The following FBXL18 variants were observed in gnomAD, a reference collection of about 807,000 sequenced individuals.
FBXL18 encodes the protein F-box/LRR-repeat protein 18.
In FBXL18, 36 loss-of-function variants were observed where a neutral mutation model predicts 46.0. That is an observed-to-expected ratio of 0.78 (90% CI 0.60 to 1.03). The LOEUF (loss-of-function observed/expected upper bound fraction) is 1.03. FBXL18 is among the 50% of genes least tolerant of loss of function. The pLI is 0.00. For missense variants in FBXL18, 977 were observed against 1,004.1 expected (o/e 0.97, Z 0.36); for synonymous variants, 557 against 465.3 (o/e 1.20, Z -2.54).
Position 5,497,996 on chromosome 7 carries a change from T to C in FBXL18, c.1781+2492A>G, listed in dbSNP as rs566129268. 8.5e-5 allele frequency among the ~76,000 whole-genome samples: 13 copies of C among 152,100 alleles called. No individual in the cohort carries two copies. The East Asian group carries it at 2.5e-3, about 29-fold the overall frequency. ...TCACTCATCTAAGCCCTGCCTCCAC[T>C]TTCTCCCCCACCCAGTCCCTGGTAG... On this transcript the variant is annotated intron_variant, in intron 3 of 4. Coordinates refer to ENST00000382368, the MANE Select transcript of FBXL18 (RefSeq NM_024963.6).
chr7:5,457,876 C>A (rs372576780), intron 4 of FBXL18, among the ~76,000 whole-genome samples: 108 of 152,314 alleles, frequency 7.1e-4, no homozygotes, highest in African/African-American at 2.6e-3. Context: ...CAGCCTGCCT[C>A]GCCGGGGAAA....
intron 4 of FBXL18, chr7:5,490,254 C>G: frequency 7.8e-7 from 1 of 1,285,572 alleles, no homozygotes; most frequent in Non-Finnish European, 1.0e-6. Context: ...GTCCTGCTGC[C>G]CCCTTGGCCG....
intron 4 of FBXL18, among the ~76,000 whole-genome samples, chr7:5,463,889 C>T (rs745461370): frequency 1.3e-3 from 197 of 150,592 alleles, no homozygotes; most frequent in South Asian, 2.1e-3. Flanking sequence ...TACAGGCGTG[C>T]GCCACCACAC....
At position 5,484,322 on chromosome 7, in the gene FBXL18, T is replaced by C. The variant is rs192524006; in HGVS notation, c.2001-2391A>G. ...CTCTACTAAAAATACAAAAAAAAAA[T>C]TAGCCGGGCGTGGTGGTGGGCGCCT... On this transcript the variant is annotated intron_variant, in intron 4 of 4. Coordinates refer to ENST00000382368, the MANE Select transcript of FBXL18 (RefSeq NM_024963.6). 6.5e-3 allele frequency among the ~76,000 whole-genome samples: 980 copies of C among 151,640 alleles called. 7 individuals are homozygous for C. Among genetic ancestry groups the C allele is most frequent in the Middle Eastern group, 0.017 (5 of 292 alleles).
In FBXL18 at chr7:5,496,924, T is replaced by C. The variant is rs1233274505; in HGVS notation, c.1781+3564A>G. On this transcript the variant is annotated intron_variant, in intron 3 of 4. Transcript: ENST00000382368. This position sits in a 1 kb window ranked among gnomAD's most constrained non-coding sequence, Gnocchi z 4.8. ...TGGGCACCTGTAATCCCAGCTACTC[T>C]GGAGGCTGAGACAGGAGAATCGCTT... Among the ~76,000 whole-genome samples, 3 of 149,306 alleles carry C rather than the reference T, an allele frequency of 2.0e-5. No homozygotes were observed. Among genetic ancestry groups the C allele is most frequent in the East Asian group, 3.9e-4 (2 of 5,070 alleles).
intron 1 of FBXL18, among the ~76,000 whole-genome samples, chr7:5,505,888 G>C (rs1345303314): frequency 6.6e-6 from 1 of 152,204 alleles, no homozygotes; most frequent in Non-Finnish European, 1.5e-5. Context: ...TTGTGAGACA[G>C]AAGTTTCACT....
chr7:5,505,684 C>T, intron 1 of FBXL18, 54 bp from the exon 2 acceptor site: 17 of 1,505,828 alleles, frequency 1.1e-5, no homozygotes, highest in East Asian at 2.3e-5. Flanking sequence ...GGCTGTCAGC[C>T]TAGCCTGCAG....
At chr7:5,490,827 C>T (rs1199893671) in intron 4 of FBXL18, among the ~76,000 whole-genome samples, 4 of 152,230 alleles carry the variant, frequency 2.6e-5, no homozygotes, top group South Asian at 2.1e-4. Context: ...ATGCTGGTGG[C>T]GCAGGCCTGT....
intron 3 of FBXL18, chr7:5,495,851 G>T (rs1319027993): frequency 2.1e-6 from 1 of 481,398 alleles, no homozygotes; most frequent in Admixed American, 2.3e-5. Flanking sequence ...ACCGGCATTT[G>T]TTCTGAACAG....
chr7:5,492,537 G>A (rs1287768290), intron 3 of FBXL18, among the ~76,000 whole-genome samples: 1 of 152,026 alleles, frequency 6.6e-6, no homozygotes, highest in East Asian at 1.9e-4. Context: ...ACTGAGCTGC[G>A]ACGCCCCCCC....
Position 5,496,713 on chromosome 7 carries a change from C to T in FBXL18, c.1781+3775G>A, listed in dbSNP as rs1242230044. Among the ~76,000 whole-genome samples the T allele has an allele frequency of 6.6e-6, 1 of 152,008 alleles. No homozygotes were observed. The highest frequency in any genetic ancestry group is 2.4e-5 in the African/African-American group (1 of 41,380). On this transcript the variant is annotated intron_variant, in intron 3 of 4. Coordinates refer to ENST00000382368, the MANE Select transcript of FBXL18 (RefSeq NM_024963.6). The surrounding 1 kb of genome is among the most constrained non-coding windows in gnomAD (Gnocchi z 4.8). ...CCCGGGCAACACAGCAAGACCCCGT[C>T]TCTACAAAAAATACAAAAAACTAGC...
downstream of FBXL18, among the ~76,000 whole-genome samples, chr7:5,472,044 C>T (rs551022018): frequency 5.8e-4 from 89 of 152,248 alleles, no homozygotes; most frequent in African/African-American, 1.9e-3. Flanking sequence ...AGCAGGATGA[C>T]GCCACTGCAC....
intron 2 of FBXL18, among the ~76,000 whole-genome samples, chr7:5,504,585 C>T (rs1480381466): frequency 1.4e-5 from 2 of 143,294 alleles, no homozygotes; most frequent in Admixed American, 6.9e-5. Flanking sequence ...GGATTACAGG[C>T]GTGAACCACC....
downstream of FBXL18, among the ~76,000 whole-genome samples, chr7:5,470,934 A>G (rs995904468): frequency 1.4e-4 from 21 of 151,998 alleles, no homozygotes; most frequent in African/African-American, 4.8e-4. Flanking sequence ...GTCCTTGCCA[A>G]TGGTATCTGA....
At chr7:5,484,355 C>T (rs1783721479) in intron 4 of FBXL18, among the ~76,000 whole-genome samples, 1 of 151,760 alleles carries the variant, frequency 6.6e-6, no homozygotes, top group South Asian at 2.1e-4. Context: ...CCTGTAGTCC[C>T]AGCTATTCGG....
Position 5,491,286 on chromosome 7 carries a change from A to G in FBXL18, c.1945T>C (p.Phe649Leu). Residue 649 changes from phenylalanine (F) to leucine (L), a missense_variant, in exon 4 of 5, where the codon TTC (phenylalanine) becomes CTC (leucine). By Grantham distance (22) the Phe-to-Leu change is conservative. Coordinates refer to ENST00000382368, the MANE Select transcript of FBXL18 (RefSeq NM_024963.6). ...CAGGTGGCGAGGGACTCCCCGGTGA[A>G]CAGGTGGCACATGACAACCTGCAGG... Reference protein sequence around the residue: ...RCLQVVMCHLFTGESLATCKS... With the variant: ...RCLQVVMCHLLTGESLATCKS... The G allele has an allele frequency of 1.2e-6, 2 of 1,613,206 alleles. No individual in the cohort carries two copies. Among genetic ancestry groups the G allele is most frequent in the Non-Finnish European group, 1.7e-6 (2 of 1,179,892 alleles).
chr7:5,486,236 A>G (rs569716603), intron 4 of FBXL18, among the ~76,000 whole-genome samples: 2 of 134,572 alleles, frequency 1.5e-5, no homozygotes, highest in Admixed American at 7.3e-5. Context: ...GGGCAAAAAG[A>G]GCAAAACTCC....
downstream of FBXL18, among the ~76,000 whole-genome samples, chr7:5,474,132 A>G (rs1783470803): frequency 6.6e-6 from 1 of 152,050 alleles, no homozygotes; most frequent in African/African-American, 2.4e-5. Flanking sequence ...AGAGGAGTCA[A>G]ACTCATAGGG....
intron 4 of FBXL18, among the ~76,000 whole-genome samples, chr7:5,467,307 C>A (rs1013394498): frequency 1.3e-5 from 2 of 151,876 alleles, no homozygotes; most frequent in African/African-American, 2.4e-5. Flanking sequence ...GCCGAGATTG[C>A]GCCACTGCAC....
Sources: allele counts gnomAD v4.1 joint callset (sites outside exome capture counted in the v4.1 genomes callset), GRCh38; gene constraint gnomAD v4.1.1; non-coding constraint Gnocchi (gnomAD v3.1); transcripts MANE v1.5; gene names NCBI Gene and HGNC (gene_info 2026-07-23, HGNC 2026-07-21).